Variants in GMDS observed in about 807,000 individuals in gnomAD.
GMDS encodes GDP-mannose 4,6-dehydratase.
In GMDS, 20 loss-of-function variants were observed where a neutral mutation model predicts 49.9. That is an observed-to-expected ratio of 0.40 (90% CI 0.28 to 0.58). The LOEUF is 0.58. Among genes scored for constraint, GMDS ranks in the 20% least tolerant of loss-of-function variants. The probability of loss-of-function intolerance (pLI) is 0.42; values close to 1 mark genes in which losing one functional copy is unlikely to be tolerated. For missense variants in GMDS, 362 were observed against 481.4 expected (o/e 0.75, Z 2.32); for synonymous variants, 177 against 178.6 (o/e 0.99, Z 0.07).
At chr6:2,077,669 T>C (rs1313237961) in intron 4 of GMDS, among the ~76,000 whole-genome samples, 1 of 152,098 alleles carries the variant, frequency 6.6e-6, no homozygotes. Flanking sequence ...CAATGTGCAG[T>C]AGGAATCAGT....
At chr6:1,990,366 T>C (rs994554435) in intron 4 of GMDS, among the ~76,000 whole-genome samples, 2 of 152,172 alleles carry the variant, frequency 1.3e-5, no homozygotes, top group African/African-American at 4.8e-5. Flanking sequence ...AACAAGTCCC[T>C]GTCCCTTTGG....
chr6:2,070,293 A>G (rs1247241108), intron 4 of GMDS, among the ~76,000 whole-genome samples: 52 of 146,988 alleles, frequency 3.5e-4, no homozygotes, highest in Non-Finnish European at 7.7e-4. Flanking sequence ...GGGGAGGGAT[A>G]GCATTGGGAG....
intron 4 of GMDS, among the ~76,000 whole-genome samples, chr6:2,064,066 C>T (rs1278923879): frequency 6.6e-6 from 1 of 152,094 alleles, no homozygotes; most frequent in Non-Finnish European, 1.5e-5. Context: ...TAATAACAGA[C>T]CATGTGGAAA....
In GMDS at chr6:1,723,563, T is replaced by C. The variant is rs1766466686; in HGVS notation, c.987+2853A>G. ...CCAGGATGGTCTCGATCTCCTGATC[T>C]TGTGATCCACCCGCCTCGGCCTCTT... On this transcript the variant is annotated intron_variant, in intron 9 of 10. Transcript: ENST00000380815. Among the ~76,000 whole-genome samples the C allele has an allele frequency of 3.3e-5, 5 of 150,298 alleles. No individual in the cohort carries two copies. The Admixed American group carries it at 3.3e-4, about 10-fold the overall frequency.
intron 7 of GMDS, among the ~76,000 whole-genome samples, chr6:1,882,784 A>G (rs976359476): frequency 6.6e-6 from 1 of 152,264 alleles, no homozygotes; most frequent in East Asian, 1.9e-4. Flanking sequence ...TAATGGATTT[A>G]TAAGGATAAG....
intron 4 of GMDS, among the ~76,000 whole-genome samples, chr6:2,101,740 T>G (rs1334245613): frequency 6.6e-6 from 1 of 152,040 alleles, no homozygotes; most frequent in African/African-American, 2.4e-5. Flanking sequence ...TTACACAAAT[T>G]TTTCCACTAA....
intron 9 of GMDS, among the ~76,000 whole-genome samples, chr6:1,627,501 T>G (rs141423130): frequency 6.6e-6 from 1 of 152,212 alleles, no homozygotes; most frequent in Non-Finnish European, 1.5e-5. Flanking sequence ...GCGTGGGCCA[T>G]GATACACGTC....
chr6:1,944,091 T>G (rs1762945348), intron 6 of GMDS, among the ~76,000 whole-genome samples: 1 of 152,226 alleles, frequency 6.6e-6, no homozygotes, highest in African/African-American at 2.4e-5. Context: ...AGAAGGATAA[T>G]GTTCATACTT....
intron 4 of GMDS, among the ~76,000 whole-genome samples, chr6:2,054,992 A>G (rs1770697830): frequency 6.6e-6 from 1 of 152,094 alleles, no homozygotes; most frequent in African/African-American, 2.4e-5. Context: ...ATATCATCAG[A>G]AAAAAATCTG....
intron 1 of GMDS, among the ~76,000 whole-genome samples, chr6:2,226,563 A>G (rs747407317): frequency 1.6e-4 from 25 of 152,250 alleles, no homozygotes; most frequent in Non-Finnish European, 2.9e-4. Flanking sequence ...TAACCCTCCT[A>G]TCAGAATACA....
intron 1 of GMDS, among the ~76,000 whole-genome samples, chr6:2,198,527 G>T (rs1272604862): frequency 6.7e-6 from 1 of 149,556 alleles, no homozygotes; most frequent in Non-Finnish European, 1.5e-5. Context: ...TTTTAATCAT[G>T]TTCCAGAGAT....
intron 9 of GMDS, among the ~76,000 whole-genome samples, chr6:1,660,711 T>C (rs1187466540): frequency 6.8e-6 from 1 of 146,868 alleles, no homozygotes. Flanking sequence ...GGATTCTCTC[T>C]GTTCTGATTA....
chr6:2,064,782 G>A (rs1025041973), intron 4 of GMDS, among the ~76,000 whole-genome samples: 1 of 152,152 alleles, frequency 6.6e-6, no homozygotes, highest in Non-Finnish European at 1.5e-5. Context: ...GATTTCGTAT[G>A]AGCTGATTCT....
At chr6:2,132,280 A>G (rs1775779036) in intron 1 of GMDS, among the ~76,000 whole-genome samples, 1 of 152,186 alleles carries the variant, frequency 6.6e-6, no homozygotes, top group Non-Finnish European at 1.5e-5. Context: ...AGATATTTTC[A>G]CATAAAATAT....
chr6:1,990,257 C>A (rs530293688), intron 4 of GMDS, among the ~76,000 whole-genome samples: 4 of 152,304 alleles, frequency 2.6e-5, no homozygotes. Context: ...GATGGCACCA[C>A]TGCACTCCAG....
chr6:2,158,327 A>G (rs1174981915), intron 1 of GMDS, among the ~76,000 whole-genome samples: 1 of 152,240 alleles, frequency 6.6e-6, no homozygotes, highest in East Asian at 1.9e-4. Context: ...ACATTCATGT[A>G]ACTGCTCTGG....
At chr6:1,649,100 C>T (rs1481516286) in intron 9 of GMDS, among the ~76,000 whole-genome samples, 2 of 152,172 alleles carry the variant, frequency 1.3e-5, no homozygotes, top group Non-Finnish European at 2.9e-5. Context: ...TTGGGTTATG[C>T]TGCAAATCAC....
chr6:1,889,626 T>TA (rs1379597294), intron 7 of GMDS, among the ~76,000 whole-genome samples: 3 of 152,148 alleles, frequency 2.0e-5, no homozygotes, highest in Non-Finnish European at 4.4e-5. Context: ...TTTTACTACT[T>TA]AAAAAAATCT....
intron 7 of GMDS, among the ~76,000 whole-genome samples, chr6:1,845,013 C>T (rs1757325617): frequency 6.6e-6 from 1 of 152,172 alleles, no homozygotes; most frequent in Non-Finnish European, 1.5e-5. Context: ...GCTGCTAAAG[C>T]TCAGTGCATT....
Sources: allele counts gnomAD v4.1 joint callset (sites outside exome capture counted in the v4.1 genomes callset), GRCh38; gene constraint gnomAD v4.1.1; transcripts MANE v1.5; gene names NCBI Gene and HGNC (gene_info 2026-07-23, HGNC 2026-07-21).